PHLPP1: variants seen among roughly 807,000 people sequenced by gnomAD.
The protein encoded by PHLPP1 is PH domain and leucine rich repeat protein phosphatase 1.
Under a neutral mutation model 117.2 loss-of-function variants are expected in PHLPP1, and 42 were observed. That is an observed-to-expected ratio of 0.36 (90% CI 0.28 to 0.46). The LOEUF (loss-of-function observed/expected upper bound fraction) is 0.46. Among genes scored for constraint, PHLPP1 ranks in the 20% least tolerant of loss-of-function variants. The pLI is 1.00. For synonymous variants in PHLPP1, 1,042 were observed against 970.7 expected (o/e 1.07, Z -1.37); for missense variants, 2,084 against 2,241.9 (o/e 0.93, Z 1.42).
chr18:62,859,643 A>G (rs1241258253), intron 3 of PHLPP1, among the ~76,000 whole-genome samples: 3 of 152,198 alleles, frequency 2.0e-5, no homozygotes, highest in Non-Finnish European at 4.4e-5. Context: ...GCTATTTTAA[A>G]TCAGTATATA....
chr18:62,945,640 G>A (rs521706), intron 12 of PHLPP1, among the ~76,000 whole-genome samples: 83,785 of 152,012 alleles, frequency 0.55, 24,108 homozygotes, highest in African/African-American at 0.72. Flanking sequence ...AGTTTGAAAA[G>A]GTTAACAGTA....
intron 1 of PHLPP1, among the ~76,000 whole-genome samples, chr18:62,729,748 A>G (rs1911177474): frequency 6.6e-6 from 1 of 152,222 alleles, no homozygotes. Flanking sequence ...GCTTTCTTCC[A>G]CAATGACAAA....
intron 14 of PHLPP1, among the ~76,000 whole-genome samples, chr18:62,966,835 C>T (rs1281811607): frequency 6.6e-6 from 1 of 152,152 alleles, no homozygotes; most frequent in African/African-American, 2.4e-5. Context: ...AGACCAGTTC[C>T]TTCACCTACC....
chr18:62,744,337 C>T (rs1451951629), intron 1 of PHLPP1, among the ~76,000 whole-genome samples: 1 of 152,210 alleles, frequency 6.6e-6, no homozygotes, highest in Admixed American at 6.5e-5. Flanking sequence ...CAGAGATTAC[C>T]TTTATTTGTG....
chr18:62,889,869 T>G (rs1010360304), intron 4 of PHLPP1, among the ~76,000 whole-genome samples: 2 of 152,258 alleles, frequency 1.3e-5, no homozygotes, highest in African/African-American at 4.8e-5. Context: ...TGAGATAGTT[T>G]ATATTCTTTT....
chr18:62,801,749 G>C (rs1327540426), intron 1 of PHLPP1, among the ~76,000 whole-genome samples: 3 of 152,124 alleles, frequency 2.0e-5, no homozygotes, highest in Non-Finnish European at 2.9e-5. Context: ...ACTGTGCCTG[G>C]CCTCTGTTTG....
intron 1 of PHLPP1, among the ~76,000 whole-genome samples, chr18:62,793,182 A>G (rs940877859): frequency 8.7e-6 from 1 of 115,260 alleles, no homozygotes; most frequent in African/African-American, 6.5e-5. Context: ...CTCAGAAAAG[A>G]AAACAAAAAA....
At chr18:62,882,946 TA>T (rs35265223) in intron 4 of PHLPP1, among the ~76,000 whole-genome samples, 9,601 of 121,386 alleles carry the variant, frequency 0.079, 367 homozygotes, top group Non-Finnish European at 0.11. Flanking sequence ...GACCACATCT[TA>T]AAAAAAAAAA....
chr18:62,838,981 G>C, intron 3 of PHLPP1, 72 bp downstream of exon 3: 2 of 1,519,094 alleles, frequency 1.3e-6, no homozygotes, highest in Non-Finnish European at 1.8e-6. Context: ...GCTTTAGCTG[G>C]GTCTAAAATA....
At chr18:62,875,529 A>G (rs1244359645) in intron 4 of PHLPP1, among the ~76,000 whole-genome samples, 2 of 151,958 alleles carry the variant, frequency 1.3e-5, no homozygotes, top group Admixed American at 1.3e-4. Context: ...TTGGCTTTGC[A>G]TTCTGAGAGG....
Position 62,941,781 on chromosome 18 carries a change from A to G in PHLPP1, c.3024A>G (p.Glu1008=), listed in dbSNP as rs959537698. The G allele has an allele frequency of 1.2e-5, 19 of 1,613,848 alleles. No individual in the cohort carries two copies. The highest frequency in any genetic ancestry group is 1.6e-5 in the Non-Finnish European group (19 of 1,179,734). The change falls in exon 11 of 17, where the codon GAA becomes GAG. Residue 1008 remains glutamate, a synonymous_variant. Coordinates refer to ENST00000262719, the MANE Select transcript of PHLPP1 (RefSeq NM_194449.4). ...GCCTTCCTCCAGCCACGCTTTCCGAAGAGACAAACAGTATCTTACAAGAGT... is the reference window on the plus strand; with the variant it reads ...GCCTTCCTCCAGCCACGCTTTCCGAGGAGACAAACAGTATCTTACAAGAGT... ...LESLPPATLS[E]ETNSILQELY... is the part of the protein sequence containing the mutation.
Position 62,903,194 on chromosome 18 carries a change from G to T in PHLPP1, c.2647+28G>T, listed in dbSNP as rs926162541. On this transcript the variant is annotated intron_variant, in intron 7 of 16. Coordinates refer to ENST00000262719, the MANE Select transcript of PHLPP1 (RefSeq NM_194449.4). Reference sequence around the variant, plus strand: ...ATGTATCATAGGCTACATCAAAGTTGCTCTTTTGGTTCCAGGAATTTACCC... The same window carrying T: ...ATGTATCATAGGCTACATCAAAGTTTCTCTTTTGGTTCCAGGAATTTACCC... 4.1e-6 allele frequency: 6 copies of T among 1,478,840 alleles called. No individual in the cohort carries two copies. In the African/African-American group the frequency reaches 8.3e-5, roughly 20 times the overall value. The allele number at this position is 1,478,840 out of a possible 1,614,324, so 91.6% of individuals were successfully genotyped here.
rs1194501058 is a variant in PHLPP1, at chr18:62,911,289, A to G, written c.2709-3624A>G. On this transcript the variant is annotated intron_variant, in intron 8 of 16. Coordinates refer to ENST00000262719, the MANE Select transcript of PHLPP1 (RefSeq NM_194449.4). ...CCAAAAGCAATGGCAACAAAAGCCA[A>G]AATTGACAAATGGGATCTAACGAAA... Among the ~76,000 whole-genome samples, 2 of 58,558 alleles carry G rather than the reference A, an allele frequency of 3.4e-5. 1 individual carries two copies. Among genetic ancestry groups the G allele is most frequent in the Admixed American group, 3.3e-4 (2 of 6,136 alleles). The allele number at this position is 58,558 out of a possible 152,430, so 38.4% of individuals were successfully genotyped here.
chr18:62,755,053 G>C (rs933191245), intron 1 of PHLPP1, among the ~76,000 whole-genome samples: 6 of 151,954 alleles, frequency 3.9e-5, no homozygotes. Context: ...TTTTGTCTTT[G>C]AGTTAGCCAG....
intron 10 of PHLPP1, among the ~76,000 whole-genome samples, chr18:62,938,991 TTTC>T (rs1910051845): frequency 2.3e-5 from 3 of 127,736 alleles, no homozygotes; most frequent in Non-Finnish European, 5.0e-5. Flanking sequence ...TCTTTCTTTC[TTTC>T]TTTTTTTTTT....
At chr18:62,841,523 G>T (rs1204360497) in intron 3 of PHLPP1, among the ~76,000 whole-genome samples, 1 of 151,400 alleles carries the variant, frequency 6.6e-6, no homozygotes, top group Non-Finnish European at 1.5e-5. Context: ...TAGTAGAGAT[G>T]GGGTTTCACT....
At chr18:62,727,984 C>T (rs1158665000) in intron 1 of PHLPP1, among the ~76,000 whole-genome samples, 2 of 152,010 alleles carry the variant, frequency 1.3e-5, no homozygotes, top group East Asian at 1.9e-4. Flanking sequence ...TCACCCTTTA[C>T]GTATTAGAGA....
rs1911299338 is a variant in PHLPP1 at position 62,979,174 on chromosome 18, A to G, written c.4897A>G (p.Ser1633Gly). 1 of 1,613,782 alleles carries G rather than the reference A, an allele frequency of 6.2e-7. No individual in the cohort carries two copies. Among genetic ancestry groups the G allele is most frequent in the Non-Finnish European group, 8.5e-7 (1 of 1,179,862 alleles). ...TGGCTCTGTTGCGCCCCAGGAAAGG[A>G]GCCACAATGTGATAGAGGTGGCTAC... ...ANGSVAPQERSHNVIEVATDA... is the reference protein window; with the variant it reads ...ANGSVAPQERGHNVIEVATDA... The change falls in exon 17 of 17, where the codon AGC becomes GGC. Residue 1633 changes from serine to glycine, a missense_variant. Transcript: ENST00000262719.
chr18:62,978,227 A>T lies in PHLPP1; in HGVS notation c.3985-35A>T. 2 of 1,336,594 alleles carry T rather than the reference A, an allele frequency of 1.5e-6. No homozygotes were observed. The highest frequency in any genetic ancestry group is 2.1e-6 in the Non-Finnish European group (2 of 950,324). The allele number at this position is 1,336,594 out of a possible 1,614,324, so 82.8% of individuals were successfully genotyped here. A position where few individuals can be genotyped will look rare whatever the true frequency, so the allele number is the denominator to read the frequency against. On this transcript the variant is annotated intron_variant, in intron 16 of 16. Coordinates refer to ENST00000262719, the MANE Select transcript of PHLPP1 (RefSeq NM_194449.4). This position sits in a 1 kb window ranked among gnomAD's most constrained non-coding sequence, Gnocchi z 7.0. ...TGCACAGTTGCCGCAGGTGCTCTGTATTAACTGTCTGTCTGCAAACCCTTG... is the reference window on the plus strand; with the variant it reads ...TGCACAGTTGCCGCAGGTGCTCTGTTTTAACTGTCTGTCTGCAAACCCTTG...
Sources: allele counts gnomAD v4.1 joint callset (sites outside exome capture counted in the v4.1 genomes callset), GRCh38; gene constraint gnomAD v4.1.1; non-coding constraint Gnocchi (gnomAD v3.1); transcripts MANE v1.5; gene names NCBI Gene and HGNC (gene_info 2026-07-23, HGNC 2026-07-21).